TTBK2: variants seen among roughly 807,000 people sequenced by gnomAD.
TTBK2 encodes tau-tubulin kinase 2.
In TTBK2, 28 loss-of-function variants were observed where a neutral mutation model predicts 110.8. The observed-to-expected ratio is 0.25, with a 90% CI of 0.19 to 0.35. The LOEUF (loss-of-function observed/expected upper bound fraction) is 0.35. Among genes scored for constraint, TTBK2 ranks in the 10% least tolerant of loss-of-function variants. The pLI, the probability that TTBK2 is intolerant of heterozygous loss-of-function variation, is 1.00. For synonymous variants in TTBK2, 532 were observed against 527.3 expected, an observed-to-expected ratio of 1.01 and a Z score of -0.12; for missense variants, 1,369 against 1,500.3, an observed-to-expected ratio of 0.91 and a Z score of 1.45.
intron 1 of TTBK2, among the ~76,000 whole-genome samples, chr15:42,902,357 C>A (rs564820495): frequency 1.3e-5 from 2 of 151,760 alleles, no homozygotes; most frequent in South Asian, 2.1e-4. Context: ...CCCATCTCTA[C>A]TAAAAATACA....
chr15:42,778,163 C>A (rs1890012264), intron 11 of TTBK2, among the ~76,000 whole-genome samples: 1 of 151,314 alleles, frequency 6.6e-6, no homozygotes, highest in African/African-American at 2.4e-5. Flanking sequence ...AAATATAGAC[C>A]AGCTATGCAT....
intron 9 of TTBK2, chr15:42,801,699 T>C (rs763383590): frequency 1.1e-6 from 1 of 889,260 alleles, no homozygotes; most frequent in South Asian, 1.3e-5. Flanking sequence ...GTATCCGAGA[T>C]CTGGGACTGC....
At chr15:42,805,754 C>T (rs1891437812) in intron 9 of TTBK2, among the ~76,000 whole-genome samples, 1 of 152,170 alleles carries the variant, frequency 6.6e-6, no homozygotes, top group Admixed American at 6.5e-5. Context: ...GGGCATACAC[C>T]AGTGTTGTAG....
chr15:42,791,163 C>T (rs200286504), intron 10 of TTBK2, among the ~76,000 whole-genome samples: 10 of 152,088 alleles, frequency 6.6e-5, no homozygotes, highest in African/African-American at 1.7e-4. Flanking sequence ...GGATTACAGG[C>T]GTGAGCCACG....
chr15:42,824,312 C>G (rs755118008), intron 6 of TTBK2, among the ~76,000 whole-genome samples: 1 of 152,156 alleles, frequency 6.6e-6, no homozygotes, highest in African/African-American at 2.4e-5. Flanking sequence ...ACCCCTCCCC[C>G]ACCAAAACGT....
chr15:42,745,812 T>C lies in TTBK2; in HGVS notation c.3718A>G (p.Ser1240Gly). 6.2e-7 allele frequency: 1 copy of C among 1,614,176 alleles called. No homozygotes were observed. Among genetic ancestry groups the C allele is most frequent in the African/African-American group, 1.3e-5 (1 of 75,058 alleles). Reference protein sequence around the residue: ...KTPQGKSKPASKLSR With the variant: ...KTPQGKSKPAGKLSR ...CCTGGCTCCTATCTGCTGAGTTTAC[T>C]GGCTGGCTTACTCTTCCCTTGGGGG... The change falls in exon 15 of 15, where the codon AGT (serine) becomes GGT (glycine). Residue 1240 changes from serine to glycine, a missense_variant. By Grantham distance (56) the Ser-to-Gly change is moderately conservative. This residue lies in a region of TTBK2 where 1,097 missense variants were observed against 1,114.7 expected (regional missense o/e 0.98). Transcript: ENST00000267890.
chr15:42,825,692 G>A (rs2140973866), intron 6 of TTBK2, among the ~76,000 whole-genome samples: 1 of 152,256 alleles, frequency 6.6e-6, no homozygotes, highest in South Asian at 2.1e-4. Flanking sequence ...TCTGGCCTGG[G>A]CGACAGAGCG....
chr15:42,905,924 C>T (rs1436819843), intron 1 of TTBK2, among the ~76,000 whole-genome samples: 4 of 152,192 alleles, frequency 2.6e-5, no homozygotes, highest in Admixed American at 2.6e-4. Flanking sequence ...CATGGTGGCT[C>T]ACACCTGTAA....
intron 13 of TTBK2, among the ~76,000 whole-genome samples, chr15:42,761,792 TAAC>T (rs1425536917): frequency 6.6e-6 from 1 of 151,940 alleles, no homozygotes; most frequent in East Asian, 1.9e-4. Context: ...GACAAAAAAA[TAAC>T]AAATGCTGGC....
chr15:42,852,460 C>T (rs889084076), intron 3 of TTBK2, among the ~76,000 whole-genome samples: 3 of 152,160 alleles, frequency 2.0e-5, no homozygotes, highest in African/African-American at 7.2e-5. Flanking sequence ...AGTAAAATAT[C>T]TTCTCCTTTT....
At chr15:42,885,846 A>G (rs1002653765) in intron 1 of TTBK2, among the ~76,000 whole-genome samples, 2 of 152,060 alleles carry the variant, frequency 1.3e-5, no homozygotes, top group Non-Finnish European at 2.9e-5. Flanking sequence ...AAACCTCTTC[A>G]ACTCTCGCCT....
intron 7 of TTBK2, among the ~76,000 whole-genome samples, chr15:42,812,935 C>T (rs1015699466): frequency 2.0e-5 from 3 of 151,304 alleles, no homozygotes; most frequent in Non-Finnish European, 4.4e-5. Context: ...TAGAATGCAG[C>T]ACAGAGACAC....
At chr15:42,787,478 C>T (rs1267301982) in intron 10 of TTBK2, among the ~76,000 whole-genome samples, 1 of 152,170 alleles carries the variant, frequency 6.6e-6, no homozygotes, top group Non-Finnish European at 1.5e-5. Context: ...AATGGTTAGG[C>T]CTGTGGGCAA....
At chr15:42,788,260 T>C (rs1466639644) in intron 10 of TTBK2, among the ~76,000 whole-genome samples, 3 of 152,190 alleles carry the variant, frequency 2.0e-5, no homozygotes, top group African/African-American at 7.2e-5. Flanking sequence ...GATCAGATAA[T>C]GTAATACTTC....
intron 6 of TTBK2, among the ~76,000 whole-genome samples, chr15:42,820,827 G>A (rs962821413): frequency 1.3e-5 from 2 of 152,042 alleles, no homozygotes; most frequent in Admixed American, 6.6e-5. Context: ...ATCATAGTGA[G>A]ACCCCCGTCT....
chr15:42,763,143 C>CATATATATATACACATATAT (rs2062063829), intron 13 of TTBK2, among the ~76,000 whole-genome samples: 8 of 51,152 alleles, frequency 1.6e-4, no homozygotes, highest in Non-Finnish European at 2.1e-4. Context: ...TATATACATA[C>CATATATATATACACATATAT]ATATATATAT....
chr15:42,889,933 TTTCTTA>T (rs1425313554), intron 1 of TTBK2, among the ~76,000 whole-genome samples: 1 of 152,210 alleles, frequency 6.6e-6, no homozygotes, highest in African/African-American at 2.4e-5. Context: ...TTGTTGTATT[TTTCTTA>T]TTAATATAAG....
intron 1 of TTBK2, among the ~76,000 whole-genome samples, chr15:42,905,257 T>C (rs1211421443): frequency 6.6e-6 from 1 of 152,084 alleles, no homozygotes; most frequent in East Asian, 1.9e-4. Flanking sequence ...ATAAGAATGA[T>C]AAGAGGCACA....
chr15:42,792,222 G>A (rs1890719637), intron 10 of TTBK2, among the ~76,000 whole-genome samples: 1 of 152,184 alleles, frequency 6.6e-6, no homozygotes. Context: ...AATGATAAAT[G>A]TTTGAGGTAA....
Sources: allele counts gnomAD v4.1 joint callset (sites outside exome capture counted in the v4.1 genomes callset), GRCh38; gene constraint gnomAD v4.1.1; regional missense constraint gnomAD v4.1.1; transcripts MANE v1.5; gene names NCBI Gene and HGNC (gene_info 2026-07-23, HGNC 2026-07-21).